Variants in GRB10 observed in about 807,000 individuals in gnomAD.
The protein encoded by GRB10 is growth factor receptor bound protein 10.
Under a neutral mutation model 80.9 loss-of-function variants are expected in GRB10, and 20 were observed. The observed-to-expected ratio is 0.25, with a 90% CI of 0.17 to 0.36. The LOEUF (loss-of-function observed/expected upper bound fraction) is 0.36. Ranked by LOEUF, GRB10 falls within the 10% of genes least tolerant of loss-of-function variation. The pLI is 1.00. For missense variants in GRB10, 548 were observed against 747.7 expected (o/e 0.73, Z 3.12); for synonymous variants, 291 against 291.5 (o/e 1.00, Z 0.02).
At chr7:50,618,032 GAA>G in intron 10 of GRB10, 37 bp downstream of exon 10, 1 of 1,505,552 alleles carries the variant, frequency 6.6e-7, no homozygotes, top group Non-Finnish European at 9.3e-7. Context: ...TTTCTATTCA[GAA>G]AGTCTATTTC....
At chr7:50,593,601 C>A (rs1398055908) in intron 18 of GRB10, among the ~76,000 whole-genome samples, 1 of 152,190 alleles carries the variant, frequency 6.6e-6, no homozygotes, top group Non-Finnish European at 1.5e-5. Context: ...AAATTCCGTT[C>A]CTAGGTCCCT....
intron 6 of GRB10, among the ~76,000 whole-genome samples, 180 bp downstream of exon 6, chr7:50,674,256 C>G (rs561778769): frequency 1.6e-4 from 24 of 152,348 alleles, no homozygotes; most frequent in African/African-American, 5.5e-4. Context: ...AAGTTCAACC[C>G]AAGGGCGGCA....
intron 2 of GRB10, among the ~76,000 whole-genome samples, chr7:50,770,151 C>T (rs1044251019): frequency 6.6e-6 from 1 of 152,214 alleles, no homozygotes; most frequent in African/African-American, 2.4e-5. Flanking sequence ...ACTCAGGCGA[C>T]TGAAGCTAAT....
chr7:50,619,018 A>T (rs573257715), intron 9 of GRB10, 152 bp downstream of exon 9: 2 of 668,016 alleles, frequency 3.0e-6, no homozygotes, highest in African/African-American at 3.6e-5. Context: ...GTTTCAAGCA[A>T]GGACTGCTTC....
chr7:50,744,293 G>A (rs1239221322), intron 3 of GRB10, among the ~76,000 whole-genome samples: 1 of 152,222 alleles, frequency 6.6e-6, no homozygotes, highest in Non-Finnish European at 1.5e-5. Context: ...CAGGGAGGGA[G>A]CAGTATCAGG....
intron 4 of GRB10, among the ~76,000 whole-genome samples, chr7:50,721,950 C>T (rs892258387): frequency 6.6e-5 from 10 of 152,192 alleles, no homozygotes; most frequent in South Asian, 2.1e-4. Context: ...GAAGACAGCG[C>T]GTGGAGCGGG....
chr7:50,643,652 G>A (rs186500332), intron 7 of GRB10, among the ~76,000 whole-genome samples: 112 of 152,340 alleles, frequency 7.4e-4, no homozygotes, highest in African/African-American at 2.5e-3. Context: ...ATTATGATAT[G>A]TAAGTGAGTA....
intron 4 of GRB10, among the ~76,000 whole-genome samples, chr7:50,719,914 C>T (rs775127287): frequency 1.3e-5 from 2 of 151,784 alleles, no homozygotes; most frequent in South Asian, 2.1e-4. Context: ...CTGCATGCTA[C>T]GCAGGATCTC....
intron 13 of GRB10, among the ~76,000 whole-genome samples, chr7:50,609,468 A>G (rs987648448): frequency 2.6e-5 from 4 of 152,254 alleles, no homozygotes; most frequent in Non-Finnish European, 4.4e-5. Flanking sequence ...TGGGTACCTA[A>G]TAACATACAC....
At chr7:50,620,593 A>G (rs2051525951) in intron 8 of GRB10, among the ~76,000 whole-genome samples, 2 of 152,182 alleles carry the variant, frequency 1.3e-5, no homozygotes, top group Admixed American at 6.5e-5. Context: ...GAGTTTGTGA[A>G]GGAAAGGAAT....
At chr7:50,739,790 T>C (rs1446505638) in intron 3 of GRB10, among the ~76,000 whole-genome samples, 1 of 152,148 alleles carries the variant, frequency 6.6e-6, no homozygotes, top group Non-Finnish European at 1.5e-5. Flanking sequence ...CCCCTTCACA[T>C]CCAAGTGCTG....
chr7:50,705,348 C>G (rs144041186), intron 4 of GRB10: 7 of 967,790 alleles, frequency 7.2e-6, no homozygotes, highest in Non-Finnish European at 8.6e-6. Context: ...ATAAAACGAA[C>G]AAAGCCCTAA....
intron 13 of GRB10, among the ~76,000 whole-genome samples, chr7:50,609,160 T>C (rs1159321911): frequency 6.6e-6 from 1 of 152,096 alleles, no homozygotes; most frequent in East Asian, 1.9e-4. Flanking sequence ...ACAAATATGA[T>C]TATCACACTA....
chr7:50,659,302 T>C (rs1563325410), intron 7 of GRB10, among the ~76,000 whole-genome samples: 4 of 152,054 alleles, frequency 2.6e-5, no homozygotes, highest in Non-Finnish European at 4.4e-5. Context: ...ACTGGCATTC[T>C]AGAAAATGAG....
At chr7:50,622,610 T>G (rs2052014336) in intron 8 of GRB10, among the ~76,000 whole-genome samples, 1 of 152,188 alleles carries the variant, frequency 6.6e-6, no homozygotes, top group South Asian at 2.1e-4. Flanking sequence ...CCAGATTATC[T>G]GACCTTAGTA....
chr7:50,770,546 C>T (rs1298302694), intron 2 of GRB10, among the ~76,000 whole-genome samples: 1 of 152,180 alleles, frequency 6.6e-6, no homozygotes, highest in Non-Finnish European at 1.5e-5. Context: ...ATGGCAAGAC[C>T]TCCAGGAGTG....
chr7:50,793,114 G>T (rs2079006660), intron 1 of GRB10: 1 of 142,848 alleles, frequency 7.0e-6, no homozygotes, highest in African/African-American at 2.5e-5. Context: ...GGCCGCGGCC[G>T]CCCAGCGCTC....
chr7:50,774,932 C>G (rs2077418624), intron 2 of GRB10, among the ~76,000 whole-genome samples: 1 of 151,134 alleles, frequency 6.6e-6, no homozygotes, highest in Admixed American at 6.6e-5. Context: ...CTTCTTGAGC[C>G]CAGGAGGTCG....
chr7:50,740,790 A>AT (rs1471200984), intron 3 of GRB10, among the ~76,000 whole-genome samples: 1 of 152,020 alleles, frequency 6.6e-6, no homozygotes, highest in Non-Finnish European at 1.5e-5. Flanking sequence ...CAGTCATCCA[A>AT]TTCTCCTTTT....
Sources: gnomAD v4.1 joint callset for allele counts (sites outside exome capture counted in the v4.1 genomes callset) on GRCh38, gnomAD v4.1.1 for gene constraint, MANE v1.5 for transcripts, NCBI Gene and HGNC (gene_info 2026-07-23, HGNC 2026-07-21) for gene names.